The following LDLRAD3 variants were observed in gnomAD, a reference collection of about 807,000 sequenced individuals.
The protein encoded by LDLRAD3 is low-density lipoprotein receptor class A domain-containing protein 3.
Under a neutral mutation model 29.4 loss-of-function variants are expected in LDLRAD3, and 20 were observed. The ratio of observed to expected loss-of-function variants is 0.68; its 90% CI spans 0.48 to 0.99. The LOEUF is 0.99. Ranked by LOEUF, LDLRAD3 falls within the 50% of genes least tolerant of loss-of-function variation. LDLRAD3 has a pLI of 0.00. For missense variants in LDLRAD3, 420 were observed against 454.3 expected, an observed-to-expected ratio of 0.92 and a Z score of 0.69; for synonymous variants, 157 against 192.7, an observed-to-expected ratio of 0.81 and a Z score of 1.53.
chr11:36,172,244 G>A (rs1025219861), intron 4 of LDLRAD3, among the ~76,000 whole-genome samples: 1 of 152,106 alleles, frequency 6.6e-6, no homozygotes, highest in East Asian at 1.9e-4. Context: ...AGTCTTTAGG[G>A]TTTTTTAGGT....
At chr11:36,146,479 G>C (rs1046285706) in intron 4 of LDLRAD3, among the ~76,000 whole-genome samples, 9 of 152,064 alleles carry the variant, frequency 5.9e-5, no homozygotes, top group Non-Finnish European at 1.0e-4. Flanking sequence ...ATTGTATATT[G>C]GTTTCCTCAG....
intron 1 of LDLRAD3, among the ~76,000 whole-genome samples, chr11:36,006,226 T>C (rs1342946540): frequency 6.6e-6 from 1 of 152,130 alleles, no homozygotes; most frequent in Non-Finnish European, 1.5e-5. Context: ...GTGGGCGCCA[T>C]AGTTACCAGA....
intron 2 of LDLRAD3, among the ~76,000 whole-genome samples, chr11:36,054,436 G>C (rs139641310): frequency 0.018 from 2,717 of 152,284 alleles, 36 homozygotes; most frequent in Non-Finnish European, 0.029. Flanking sequence ...TGCCATGGCC[G>C]AGCAAGGTAG....
At chr11:36,089,836 T>C (rs1283231080) in intron 3 of LDLRAD3, among the ~76,000 whole-genome samples, 1 of 150,468 alleles carries the variant, frequency 6.6e-6, no homozygotes, top group Non-Finnish European at 1.5e-5. Flanking sequence ...GGTCTCAAAC[T>C]CCTAGCCCCG....
At chr11:36,118,874 C>G (rs932549682) in intron 4 of LDLRAD3, among the ~76,000 whole-genome samples, 4 of 151,910 alleles carry the variant, frequency 2.6e-5, no homozygotes, top group African/African-American at 4.8e-5. Flanking sequence ...CCTGGGCAGC[C>G]CCAGTTTGAT....
At chr11:36,028,753 G>T (rs1389840099) in intron 1 of LDLRAD3, among the ~76,000 whole-genome samples, 1 of 151,988 alleles carries the variant, frequency 6.6e-6, no homozygotes, top group Non-Finnish European at 1.5e-5. Context: ...TAAAAAATTT[G>T]TAGAATATTC....
chr11:35,992,499 A>G (rs1020139866), intron 1 of LDLRAD3, among the ~76,000 whole-genome samples: 1 of 152,246 alleles, frequency 6.6e-6, no homozygotes, highest in Non-Finnish European at 1.5e-5. Context: ...ATACAATGGG[A>G]TATTATTCAG....
intron 4 of LDLRAD3, among the ~76,000 whole-genome samples, chr11:36,179,328 G>A (rs7483298): frequency 1.3e-5 from 2 of 152,122 alleles, no homozygotes; most frequent in African/African-American, 4.8e-5. Context: ...ACAAAAATTA[G>A]CTGGGAGTGG....
chr11:36,037,150 A>G (rs552622887), intron 2 of LDLRAD3, among the ~76,000 whole-genome samples: 4 of 152,166 alleles, frequency 2.6e-5, no homozygotes, highest in Non-Finnish European at 5.9e-5. Context: ...CTCACAGGGG[A>G]TTGCCTTGAG....
At position 36,154,765 on chromosome 11, in the gene LDLRAD3, G is replaced by A. The variant is rs1854324045; in HGVS notation, c.454+56304G>A. On this transcript the variant is annotated intron_variant, in intron 4 of 5. Transcript: ENST00000315571. ...GTTAATTTTCTTGGAACTTATGTCA[G>A]AGGGACATCCATGTGCATCCTAATG... Among the ~76,000 whole-genome samples, 3 of 152,154 alleles carry A rather than the reference G, an allele frequency of 2.0e-5. No homozygotes were observed. In the South Asian group the frequency reaches 6.2e-4, roughly 32 times the overall value.
intron 4 of LDLRAD3, among the ~76,000 whole-genome samples, chr11:36,186,162 C>T (rs570701569): frequency 1.5e-4 from 23 of 152,144 alleles, no homozygotes; most frequent in Admixed American, 3.9e-4. Context: ...TCTATGACCT[C>T]GAGCAAGTTA....
intron 4 of LDLRAD3, among the ~76,000 whole-genome samples, chr11:36,144,439 G>T (rs1221419374): frequency 6.8e-6 from 1 of 147,956 alleles, no homozygotes; most frequent in Non-Finnish European, 1.5e-5. Flanking sequence ...AGTCTGGAAA[G>T]TGAGGAGTGT....
intron 3 of LDLRAD3, among the ~76,000 whole-genome samples, chr11:36,085,546 A>T (rs138033575): frequency 4.6e-5 from 7 of 152,184 alleles, no homozygotes; most frequent in Non-Finnish European, 8.8e-5. Context: ...TGGGAGTCTA[A>T]TGACAACAAT....
At chr11:36,088,532 G>A (rs574934292) in intron 3 of LDLRAD3, among the ~76,000 whole-genome samples, 1 of 151,794 alleles carries the variant, frequency 6.6e-6, no homozygotes, top group East Asian at 1.9e-4. Flanking sequence ...CATTTAGCTA[G>A]TATGTCTGTG....
At chr11:36,082,954 A>C (rs969618187) in intron 3 of LDLRAD3, among the ~76,000 whole-genome samples, 4 of 152,184 alleles carry the variant, frequency 2.6e-5, no homozygotes, top group Non-Finnish European at 5.9e-5. Flanking sequence ...TTGAGCATTC[A>C]TAATTATCAT....
At chr11:36,165,964 CCCTCCCTCCCTCCCTTCCTT>C (rs1854508437) in intron 4 of LDLRAD3, among the ~76,000 whole-genome samples, 1 of 117,434 alleles carries the variant, frequency 8.5e-6, no homozygotes, top group Non-Finnish European at 1.7e-5. Flanking sequence ...CTCCCTCCCT[CCCTCCCTCCCTCCCTTCCTT>C]CCTTCCTTCC....
intron 1 of LDLRAD3, among the ~76,000 whole-genome samples, chr11:36,028,145 A>G (rs1852190894): frequency 6.6e-6 from 1 of 152,218 alleles, no homozygotes. Flanking sequence ...TATCCATTGC[A>G]TATTGCGTGG....
At chr11:35,950,101 G>A (rs537430782) in intron 1 of LDLRAD3, among the ~76,000 whole-genome samples, 1 of 152,280 alleles carries the variant, frequency 6.6e-6, no homozygotes, top group South Asian at 2.1e-4. Context: ...TGCCCTTGAA[G>A]ACCCAAATGA....
intron 2 of LDLRAD3, among the ~76,000 whole-genome samples, chr11:36,068,542 A>T (rs1590239548): frequency 6.6e-6 from 1 of 152,044 alleles, no homozygotes; most frequent in Non-Finnish European, 1.5e-5. Flanking sequence ...TTTTTGACAG[A>T]GTCTCACTCT....
Sources: allele counts gnomAD v4.1 joint callset (sites outside exome capture counted in the v4.1 genomes callset), GRCh38; gene constraint gnomAD v4.1.1; transcripts MANE v1.5; gene names NCBI Gene and HGNC (gene_info 2026-07-23, HGNC 2026-07-21).